ADD2: variants seen among roughly 807,000 people sequenced by gnomAD.
ADD2 encodes the protein beta-adducin.
In ADD2, 23 loss-of-function variants were observed where a neutral mutation model predicts 83.0. The observed-to-expected ratio is 0.28, with a 90% CI of 0.20 to 0.39. The LOEUF is 0.39. Among genes scored for constraint, ADD2 ranks in the 10% least tolerant of loss-of-function variants. ADD2 has a pLI of 1.00. For synonymous variants in ADD2, 375 were observed against 375.4 expected, an observed-to-expected ratio of 1.00 and a Z score of 0.01; for missense variants, 758 against 944.9, an observed-to-expected ratio of 0.80 and a Z score of 2.59.
rs1670992971 is a variant in ADD2, at chr2:70,690,873, C to A, written c.762G>T (p.Gly254=). The change falls in exon 8 of 16, where the codon GGG becomes GGT. Residue 254 remains glycine, a synonymous_variant. Coordinates refer to ENST00000264436, the MANE Select transcript of ADD2 (RefSeq NM_001617.4). The stretch of plus-strand genomic sequence containing the variant: ...CATTGAAGTCATAATAGGCCATGTC[C>A]CCCACCAGCAGGGCATTGTGGGAGA... ...LPVSHNALLV[G]DMAYYDFNGE... The A allele has an allele frequency of 1.2e-6, 2 of 1,614,128 alleles. No individual in the cohort carries two copies. The highest frequency in any genetic ancestry group is 1.6e-4 in the Middle Eastern group (1 of 6,062).
intron 10 of ADD2, among the ~76,000 whole-genome samples, chr2:70,681,232 C>G (rs1553369468): frequency 6.6e-6 from 1 of 152,142 alleles, no homozygotes; most frequent in African/African-American, 2.4e-5. Context: ...CTCTGGGACT[C>G]AGTCAGTTCT....
intron 1 of ADD2, among the ~76,000 whole-genome samples, chr2:70,766,613 C>T (rs1675396598): frequency 6.6e-6 from 1 of 152,218 alleles, no homozygotes; most frequent in South Asian, 2.1e-4. Flanking sequence ...GAGAACACCC[C>T]TCACTGCACA....
At chr2:70,760,371 G>C (rs1212786396) in intron 1 of ADD2, among the ~76,000 whole-genome samples, 1 of 152,124 alleles carries the variant, frequency 6.6e-6, no homozygotes, top group Non-Finnish European at 1.5e-5. Flanking sequence ...GGCTGTGCTG[G>C]ATTCCCCAAT....
At chr2:70,696,869 G>A (rs1206657449) in intron 4 of ADD2, among the ~76,000 whole-genome samples, 2 of 152,206 alleles carry the variant, frequency 1.3e-5, no homozygotes, top group African/African-American at 4.8e-5. Context: ...AAAATAGAAA[G>A]CCAGATCAGA....
chr2:70,753,637 T>G (rs1674625480), intron 1 of ADD2, among the ~76,000 whole-genome samples: 1 of 152,092 alleles, frequency 6.6e-6, no homozygotes, highest in African/African-American at 2.4e-5. Flanking sequence ...TCACTGTTTC[T>G]GTTTCTCAAT....
chr2:70,757,936 A>G (rs193110106), intron 1 of ADD2, among the ~76,000 whole-genome samples: 170 of 152,338 alleles, frequency 1.1e-3, no homozygotes, highest in Non-Finnish European at 2.2e-3. Flanking sequence ...ATGCCCTTGT[A>G]TTGATTTTCC....
chr2:70,734,891 C>A (rs1037351311), intron 1 of ADD2, among the ~76,000 whole-genome samples: 9 of 152,134 alleles, frequency 5.9e-5, no homozygotes, highest in African/African-American at 1.9e-4. Flanking sequence ...CAAGTTCTGG[C>A]CCATCTTTCT....
chr2:70,677,973 A>G, intron 11 of ADD2, 96 bp from the exon 12 acceptor site: 7 of 1,526,864 alleles, frequency 4.6e-6, no homozygotes, highest in Non-Finnish European at 6.3e-6. Flanking sequence ...AACATCCTGC[A>G]TGGAAGGTCA....
At position 70,730,557 on chromosome 2, in the gene ADD2, A is replaced by G. The variant is rs115513906; in HGVS notation, c.-153-17373T>C. Among the ~76,000 whole-genome samples the G allele has an allele frequency of 3.5e-3, 538 of 152,298 alleles. 3 individuals carry two copies. The highest frequency in any genetic ancestry group is 0.012 in the African/African-American group (497 of 41,546). On this transcript the variant is annotated intron_variant, in intron 1 of 15. Coordinates refer to ENST00000264436, the MANE Select transcript of ADD2 (RefSeq NM_001617.4). The stretch of plus-strand genomic sequence containing the variant: ...AAGTGAGGCTGGCCTCTCTGCCCCA[A>G]ATCTTACCAGGCCACTTACACATCC...
chr2:70,673,415 TTTTA>T (rs763733073), intron 14 of ADD2: 53 of 1,109,188 alleles, frequency 4.8e-5, no homozygotes, highest in Non-Finnish European at 7.0e-5. Flanking sequence ...ACTCCCCTTA[TTTTA>T]TTTTTTGCTG....
At chr2:70,756,385 CT>C (rs1553383861) in intron 1 of ADD2, among the ~76,000 whole-genome samples, 1 of 152,188 alleles carries the variant, frequency 6.6e-6, no homozygotes, top group African/African-American at 2.4e-5. Flanking sequence ...CTGTGGGTCA[CT>C]TACGGAGCCC....
intron 1 of ADD2, among the ~76,000 whole-genome samples, chr2:70,739,582 A>G (rs978236777): frequency 1.3e-5 from 2 of 152,238 alleles, no homozygotes; most frequent in African/African-American, 4.8e-5. Context: ...ACATGCACAC[A>G]TATGTTCATT....
At position 70,683,616 on chromosome 2, in the gene ADD2, G is replaced by C. The variant is rs367628722; in HGVS notation, c.1100C>G (p.Ala367Gly). The change falls in exon 10 of 16, where the codon GCC (alanine) becomes GGC (glycine). Residue 367 changes from alanine to glycine, a missense_variant. Physicochemically the swap from Ala to Gly is moderately conservative, Grantham distance 60 (BLOSUM62 0). Around this residue, in one of 5 missense-constraint regions of ADD2, gnomAD observed 394 missense variants for 509.3 expected, o/e 0.77. Coordinates refer to ENST00000264436, the MANE Select transcript of ADD2 (RefSeq NM_001617.4). ...KSRLGEHEFE[A>G]LMRMLDNLGY... ...CAGGTTGTCCAGCATCCTCATGAGG[G>C]CCTCAAACTCATGCTCCCCCAGCCG... 1.2e-6 allele frequency: 2 copies of C among 1,613,430 alleles called. No individual in the cohort carries two copies. The highest frequency in any genetic ancestry group is 2.7e-5 in the African/African-American group (2 of 74,914).
chr2:70,682,366 C>T (rs1553369718), intron 10 of ADD2, among the ~76,000 whole-genome samples: 1 of 152,122 alleles, frequency 6.6e-6, no homozygotes, highest in Non-Finnish European at 1.5e-5. Flanking sequence ...GCATAGATTA[C>T]TCAGCATACA....
intron 4 of ADD2, 58 bp downstream of exon 4, chr2:70,704,263 T>TTGGG: frequency 3.4e-5 from 31 of 913,198 alleles, no homozygotes; most frequent in Non-Finnish European, 2.2e-5. Flanking sequence ...CTCCCTCTCT[T>TTGGG]CCCCACCCCA....
At chr2:70,759,392 A>G (rs1674965378) in intron 1 of ADD2, among the ~76,000 whole-genome samples, 1 of 152,174 alleles carries the variant, frequency 6.6e-6, no homozygotes. Flanking sequence ...AGCTGGATAT[A>G]TTAAATCCCC....
chr2:70,697,499 G>A (rs1476980970), intron 4 of ADD2, among the ~76,000 whole-genome samples: 1 of 152,206 alleles, frequency 6.6e-6, no homozygotes, highest in Non-Finnish European at 1.5e-5. Flanking sequence ...CTGAGCTCTA[G>A]CATCTGAATC....
intron 10 of ADD2, 49 bp from the exon 11 acceptor site, chr2:70,679,010 G>A: frequency 1.3e-6 from 2 of 1,543,404 alleles, no homozygotes; most frequent in Non-Finnish European, 1.7e-6. Context: ...AAAAAGGCCT[G>A]TACCTGCACA....
chr2:70,756,166 C>T (rs782198302), intron 1 of ADD2, among the ~76,000 whole-genome samples: 1 of 152,054 alleles, frequency 6.6e-6, no homozygotes, highest in Non-Finnish European at 1.5e-5. Context: ...ATCCTGCCTA[C>T]CCCCTTTCCT....
Sources: gnomAD v4.1 joint callset for allele counts (sites outside exome capture counted in the v4.1 genomes callset) on GRCh38, gnomAD v4.1.1 for gene constraint, gnomAD v4.1.1 regional missense constraint, MANE v1.5 for transcripts, NCBI Gene and HGNC (gene_info 2026-07-23, HGNC 2026-07-21) for gene names.